The following RGS7 variants were observed in gnomAD, a reference collection of about 807,000 sequenced individuals.
RGS7 encodes the protein regulator of G-protein signaling 7.
RGS7 carries 27 observed loss-of-function variants against 81.1 expected under a neutral mutation model. The observed-to-expected ratio is 0.33, with a 90% CI of 0.25 to 0.46. The LOEUF (loss-of-function observed/expected upper bound fraction) is 0.46, where lower values mean the gene tolerates loss of function less well. Among genes scored for constraint, RGS7 ranks in the 20% least tolerant of loss-of-function variants. The pLI is 1.00. For synonymous variants in RGS7, 208 were observed against 207.7 expected (o/e 1.00, Z -0.01); for missense variants, 396 against 607.4 (o/e 0.65, Z 3.66).
intron 3 of RGS7, among the ~76,000 whole-genome samples, chr1:241,028,742 C>A (rs981254743): frequency 1.3e-5 from 2 of 152,012 alleles, no homozygotes; most frequent in African/African-American, 4.8e-5. Flanking sequence ...AAGGACAAGT[C>A]GAGACACAAA....
At position 241,301,485 on chromosome 1, in the gene RGS7, G is replaced by A. The variant is rs182528963; in HGVS notation, c.78+54214C>T. Among the ~76,000 whole-genome samples the A allele has an allele frequency of 2.5e-4, 38 of 152,332 alleles. 1 individual carries two copies. Among genetic ancestry groups the A allele is most frequent in the Middle Eastern group, 6.8e-3 (2 of 294 alleles). Reference sequence around the variant, plus strand: ...CATGTTACCCTGAATATTTAGGGATGATGGTTAAGGGTTATGGAGGTCAAG... The same window carrying A: ...CATGTTACCCTGAATATTTAGGGATAATGGTTAAGGGTTATGGAGGTCAAG... On this transcript the variant is annotated intron_variant, in intron 2 of 18. Transcript: ENST00000440928.
At chr1:241,344,099 C>A (rs1252155957) in intron 2 of RGS7, among the ~76,000 whole-genome samples, 3 of 152,080 alleles carry the variant, frequency 2.0e-5, no homozygotes, top group African/African-American at 7.2e-5. Context: ...TCAAAATAAT[C>A]AACTGGGGCA....
At chr1:240,872,511 G>C (rs1296702235) in intron 6 of RGS7, among the ~76,000 whole-genome samples, 1 of 152,204 alleles carries the variant, frequency 6.6e-6, no homozygotes, top group African/African-American at 2.4e-5. Context: ...ACAAGTCTGA[G>C]TTAGCAGTGT....
chr1:241,354,284 C>A (rs370079722), intron 2 of RGS7, among the ~76,000 whole-genome samples: 5 of 152,212 alleles, frequency 3.3e-5, no homozygotes, highest in East Asian at 3.9e-4. Flanking sequence ...AGACAGGTAT[C>A]CAGTTATTTC....
At chr1:240,804,800 C>T (rs1688577496) in intron 15 of RGS7, among the ~76,000 whole-genome samples, 2 of 152,144 alleles carry the variant, frequency 1.3e-5, no homozygotes. Flanking sequence ...CATTGGAGAC[C>T]ATGGCTGAAC....
chr1:240,831,981 A>G (rs1693934327), intron 9 of RGS7, among the ~76,000 whole-genome samples: 1 of 152,080 alleles, frequency 6.6e-6, no homozygotes, highest in Non-Finnish European at 1.5e-5. Flanking sequence ...GTTCTCCTCA[A>G]CATGGCAAAC....
chr1:240,914,738 C>T (rs1320677265), intron 6 of RGS7, among the ~76,000 whole-genome samples: 1 of 152,120 alleles, frequency 6.6e-6, no homozygotes, highest in Non-Finnish European at 1.5e-5. Flanking sequence ...GTCATCCCTC[C>T]CATCCAATCT....
intron 2 of RGS7, among the ~76,000 whole-genome samples, chr1:241,130,741 C>T (rs887273722): frequency 1.4e-5 from 2 of 147,540 alleles, no homozygotes; most frequent in Non-Finnish European, 2.9e-5. Context: ...ATTTAACTTC[C>T]CTGAGCATTG....
chr1:241,245,964 C>T (rs927095308), intron 2 of RGS7, among the ~76,000 whole-genome samples: 1 of 151,590 alleles, frequency 6.6e-6, no homozygotes, highest in Non-Finnish European at 1.5e-5. Flanking sequence ...ATTAGCCAGG[C>T]GTGGTGGCGG....
chr1:240,911,674 C>T (rs1032746317), intron 6 of RGS7, among the ~76,000 whole-genome samples: 1 of 152,170 alleles, frequency 6.6e-6, no homozygotes, highest in Non-Finnish European at 1.5e-5. Flanking sequence ...AACTGAAAAA[C>T]ACTCATGCCC....
intron 3 of RGS7, among the ~76,000 whole-genome samples, chr1:241,066,089 T>C (rs1411865801): frequency 2.0e-5 from 3 of 152,200 alleles, no homozygotes; most frequent in Non-Finnish European, 4.4e-5. Context: ...AAATGAATAA[T>C]GGAGTAAATG....
intron 3 of RGS7, among the ~76,000 whole-genome samples, chr1:240,996,625 T>C (rs1007046273): frequency 3.3e-5 from 5 of 152,224 alleles, no homozygotes; most frequent in African/African-American, 1.2e-4. Context: ...ATTCCAGGTT[T>C]CCTTTAATCA....
chr1:241,035,117 A>G (rs1166423540), intron 3 of RGS7, among the ~76,000 whole-genome samples: 1 of 152,214 alleles, frequency 6.6e-6, no homozygotes, highest in South Asian at 2.1e-4. Context: ...AAGAGGCATC[A>G]TCCTTTCTGG....
chr1:241,077,300 AG>A (rs1299064146), intron 3 of RGS7, among the ~76,000 whole-genome samples: 2 of 152,208 alleles, frequency 1.3e-5, no homozygotes, highest in East Asian at 1.9e-4. Context: ...AAAATGGATA[AG>A]GGTTCACAGA....
intron 2 of RGS7, among the ~76,000 whole-genome samples, chr1:241,236,926 CT>C (rs2076013252): frequency 6.6e-6 from 1 of 152,146 alleles, no homozygotes; most frequent in Non-Finnish European, 1.5e-5. Context: ...AATCTTCTTT[CT>C]TCCCAACAGC....
At chr1:240,939,525 G>T (rs1677203715) in intron 4 of RGS7, among the ~76,000 whole-genome samples, 1 of 152,138 alleles carries the variant, frequency 6.6e-6, no homozygotes, top group Non-Finnish European at 1.5e-5. Flanking sequence ...TGAGCAGGTG[G>T]TTATAGTCCT....
At chr1:240,912,333 T>C (rs1671908576) in intron 6 of RGS7, among the ~76,000 whole-genome samples, 1 of 152,010 alleles carries the variant, frequency 6.6e-6, no homozygotes, top group South Asian at 2.1e-4. Flanking sequence ...CCACCAGAAA[T>C]GCAAATATCA....
At chr1:240,946,789 GTT>G (rs1678693406) in intron 4 of RGS7, among the ~76,000 whole-genome samples, 1 of 152,116 alleles carries the variant, frequency 6.6e-6, no homozygotes, top group Admixed American at 6.5e-5. Flanking sequence ...GGAAGAATAA[GTT>G]TTGGTGCTCT....
At chr1:241,342,411 T>C (rs1459759258) in intron 2 of RGS7, among the ~76,000 whole-genome samples, 2 of 152,190 alleles carry the variant, frequency 1.3e-5, no homozygotes, top group Non-Finnish European at 2.9e-5. Flanking sequence ...TCAGTCACTC[T>C]AATAAGGTCA....
Sources: gnomAD v4.1 joint callset for allele counts (sites outside exome capture counted in the v4.1 genomes callset) on GRCh38, gnomAD v4.1.1 for gene constraint, MANE v1.5 for transcripts, NCBI Gene and HGNC (gene_info 2026-07-23, HGNC 2026-07-21) for gene names.